CCSER1: variants seen among roughly 807,000 people sequenced by gnomAD.
CCSER1 encodes serine-rich coiled-coil domain-containing protein 1.
In CCSER1, 41 loss-of-function variants were observed where a neutral mutation model predicts 82.0. The ratio of observed to expected loss-of-function variants is 0.50; its 90% confidence interval spans 0.39 to 0.65. The LOEUF is 0.65. Among genes scored for constraint, CCSER1 ranks in the 30% least tolerant of loss-of-function variants. CCSER1 has a pLI of 0.00. For synonymous variants in CCSER1, 414 were observed against 383.9 expected (o/e 1.08, Z -0.92); for missense variants, 1,119 against 1,064.2 (o/e 1.05, Z -0.72).
At chr4:91,376,297 C>A (rs1273514866) in intron 10 of CCSER1, among the ~76,000 whole-genome samples, 1 of 152,114 alleles carries the variant, frequency 6.6e-6, no homozygotes, top group African/African-American at 2.4e-5. Flanking sequence ...GATGGAATAG[C>A]CTACTAGACA....
At chr4:90,738,383 C>T (rs935347119) in intron 7 of CCSER1, among the ~76,000 whole-genome samples, 1 of 152,114 alleles carries the variant, frequency 6.6e-6, no homozygotes, top group Non-Finnish European at 1.5e-5. Context: ...GGGGTACTGC[C>T]TTGGTTCTTG....
At chr4:91,189,434 C>T (rs1188296958) in intron 10 of CCSER1, among the ~76,000 whole-genome samples, 1 of 152,102 alleles carries the variant, frequency 6.6e-6, no homozygotes, top group African/African-American at 2.4e-5. Context: ...AATAATTCTC[C>T]TCCTGTAGCA....
At chr4:91,124,904 A>AT (rs1374134462) in intron 10 of CCSER1, among the ~76,000 whole-genome samples, 1 of 151,526 alleles carries the variant, frequency 6.6e-6, no homozygotes, top group East Asian at 1.9e-4. Context: ...ATCTACTTTA[A>AT]TTTTTTTCAC....
At chr4:91,452,454 T>C (rs948691329) in intron 10 of CCSER1, among the ~76,000 whole-genome samples, 3 of 151,954 alleles carry the variant, frequency 2.0e-5, no homozygotes, top group Non-Finnish European at 4.4e-5. Flanking sequence ...ATTTGTAGAG[T>C]ACCAGAAATA....
chr4:90,863,947 C>T (rs114481505), intron 8 of CCSER1, among the ~76,000 whole-genome samples: 200 of 134,300 alleles, frequency 1.5e-3, no homozygotes, highest in African/African-American at 5.1e-3. Flanking sequence ...CTACCTATCA[C>T]GTTTTTATTT....
At chr4:90,148,033 C>T (rs1044207903) in intron 1 of CCSER1, among the ~76,000 whole-genome samples, 18 of 152,162 alleles carry the variant, frequency 1.2e-4, no homozygotes, top group Middle Eastern at 3.4e-3. Flanking sequence ...GGCATGGTAA[C>T]GCTTGCTTGT....
intron 10 of CCSER1, among the ~76,000 whole-genome samples, chr4:91,280,670 A>G (rs977970261): frequency 1.3e-5 from 2 of 152,180 alleles, no homozygotes; most frequent in Non-Finnish European, 2.9e-5. Context: ...GAGTGAGAGC[A>G]TCGGCCACAG....
intron 9 of CCSER1, among the ~76,000 whole-genome samples, chr4:91,056,033 T>C (rs557165973): frequency 6.6e-6 from 1 of 152,268 alleles, no homozygotes; most frequent in South Asian, 2.1e-4. Flanking sequence ...GATTTTCTCT[T>C]TGGTTACTTT....
At chr4:90,665,586 G>T (rs1579816965) in intron 6 of CCSER1, among the ~76,000 whole-genome samples, 1 of 152,244 alleles carries the variant, frequency 6.6e-6, no homozygotes, top group East Asian at 1.9e-4. Context: ...CTCCCAAAGT[G>T]CTGGGATTAC....
chr4:91,570,209 C>A (rs550949311), intron 10 of CCSER1, among the ~76,000 whole-genome samples: 1 of 152,278 alleles, frequency 6.6e-6, no homozygotes, highest in South Asian at 2.1e-4. Context: ...GGTCTAGCCC[C>A]AGTTCTGGTT....
At chr4:90,842,177 A>G (rs1037842877) in intron 8 of CCSER1, among the ~76,000 whole-genome samples, 1 of 152,236 alleles carries the variant, frequency 6.6e-6, no homozygotes, top group Non-Finnish European at 1.5e-5. Flanking sequence ...CTTTAAACAA[A>G]GCAAAATTAT....
chr4:91,325,376 G>A, intron 10 of CCSER1: 1 of 321,184 alleles, frequency 3.1e-6, no homozygotes, highest in South Asian at 2.6e-5. Context: ...AGTATGCCAT[G>A]TGTCATCTAT....
At chr4:90,601,152 C>T (rs558332962) in intron 5 of CCSER1, among the ~76,000 whole-genome samples, 73 of 151,906 alleles carry the variant, frequency 4.8e-4, no homozygotes, top group African/African-American at 1.7e-3. Context: ...ATGTTTTATT[C>T]TTGCCTTATT....
At chr4:90,674,404 A>G (rs1733405885) in intron 6 of CCSER1, among the ~76,000 whole-genome samples, 1 of 151,842 alleles carries the variant, frequency 6.6e-6, no homozygotes, top group Admixed American at 6.6e-5. Flanking sequence ...ATGAAGGGAC[A>G]GTTGTCAAGT....
chr4:90,871,564 G>T (rs1467378685), intron 8 of CCSER1, among the ~76,000 whole-genome samples: 1 of 151,614 alleles, frequency 6.6e-6, no homozygotes, highest in East Asian at 1.9e-4. Flanking sequence ...TGTTTTTGAA[G>T]ACCCTTTTGT....
At position 90,204,779 on chromosome 4, in the gene CCSER1, T is replaced by C. The variant is rs1738465731; in HGVS notation, c.-42+76948T>C. 2.6e-5 allele frequency among the ~76,000 whole-genome samples: 4 copies of C among 152,258 alleles called. No homozygotes were observed. In the South Asian group the frequency reaches 8.3e-4, roughly 31 times the overall value. ...ATAGCATTGAATCTATAAATTACTT[T>C]GAGCAGTATGGCCATTTTCATGATA... On this transcript the variant is annotated intron_variant, in intron 1 of 10. Coordinates refer to ENST00000509176, the MANE Select transcript of CCSER1 (RefSeq NM_001145065.2).
rs1190990047 is a variant in CCSER1 at position 90,815,791 on chromosome 4, C to T, written c.2040C>T (p.Leu680=). Residue 680 remains leucine (L), a synonymous_variant, in exon 8 of 11, where the codon CTC becomes CTT. Coordinates refer to ENST00000509176, the MANE Select transcript of CCSER1 (RefSeq NM_001145065.2). ...KDIMKDECSM[L]KLQLKEKDEL... Reference sequence around the variant, plus strand: ...TAATGAAAGATGAATGCTCGATGCTCAAGCTGCAGCTGAAAGAGAAGGATG... The same window carrying T: ...TAATGAAAGATGAATGCTCGATGCTTAAGCTGCAGCTGAAAGAGAAGGATG... The T allele has an allele frequency of 7.1e-6, 11 of 1,551,072 alleles. No individual in the cohort carries two copies. The highest frequency in any genetic ancestry group is 2.0e-5 in the Admixed American group (1 of 50,990).
intron 1 of CCSER1, among the ~76,000 whole-genome samples, chr4:90,257,038 G>T (rs1043817284): frequency 2.0e-5 from 3 of 151,924 alleles, no homozygotes; most frequent in African/African-American, 7.2e-5. Flanking sequence ...ACTGCGGGGG[G>T]GTCTTCGAAG....
chr4:90,932,226 T>C (rs1467078105), intron 9 of CCSER1, among the ~76,000 whole-genome samples: 6 of 152,158 alleles, frequency 3.9e-5, no homozygotes, highest in African/African-American at 7.2e-5. Flanking sequence ...AGAATGTAAT[T>C]TGCATTTCAG....
Sources: allele counts gnomAD v4.1 joint callset (sites outside exome capture counted in the v4.1 genomes callset), GRCh38; gene constraint gnomAD v4.1.1; transcripts MANE v1.5; gene names NCBI Gene and HGNC (gene_info 2026-07-23, HGNC 2026-07-21).